Variants in RAB30 observed in about 807,000 individuals in gnomAD.
The protein encoded by RAB30 is RAB30, member RAS oncogene family, also known as ras-related protein Rab-30.
RAB30 carries 9 observed loss-of-function variants against 25.1 expected under a neutral mutation model. The ratio of observed to expected loss-of-function variants is 0.36; its 90% CI spans 0.22 to 0.63. The LOEUF (loss-of-function observed/expected upper bound fraction) is 0.63, where lower values mean the gene tolerates loss of function less well. Among genes scored for constraint, RAB30 ranks in the 20% least tolerant of loss-of-function variants. The pLI, the probability that RAB30 is intolerant of heterozygous loss-of-function variation, is 0.69. For synonymous variants in RAB30, 77 were observed against 86.4 expected (o/e 0.89, Z 0.60); for missense variants, 140 against 243.5 (o/e 0.58, Z 2.83).
In RAB30 at chr11:83,009,892, C is replaced by T. The variant is rs560738704; in HGVS notation, c.-8-12568G>A. On this transcript the variant is annotated intron_variant, in intron 1 of 4. Transcript: ENST00000527633. ...AATTCTGCTTCTGGGAATTTTCCTA[C>T]AGAATGCTTCCTAAATGTGCACAAA... Among the ~76,000 whole-genome samples, 91 of 152,310 alleles carry T rather than the reference C, an allele frequency of 6.0e-4. 2 individuals are homozygous for T. The highest frequency in any genetic ancestry group is 2.0e-3 in the African/African-American group (83 of 41,566).
chr11:82,984,057 T>G (rs562919593), intron 4 of RAB30, among the ~76,000 whole-genome samples: 15 of 152,314 alleles, frequency 9.8e-5, no homozygotes, highest in African/African-American at 3.6e-4. Context: ...TATGAATAAT[T>G]CATGATGTAT....
In RAB30 at chr11:82,978,872, A is replaced by G. The variant is rs1447818307; in HGVS notation, c.*3293T>C. 1 of 152,214 alleles carries G rather than the reference A, an allele frequency of 6.6e-6. No homozygotes were observed. Among genetic ancestry groups the G allele is most frequent in the Admixed American group, 6.5e-5 (1 of 15,282 alleles). 9.4% of individuals were successfully genotyped at this position (152,214 alleles called of 1,614,324 possible). ...CGTTTCTACCTTCCTTATAAACTCT[A>G]AATCAGAACTTGACACATTGTCAAA... On this transcript the variant is annotated 3_prime_UTR_variant, in exon 5 of 5. Coordinates refer to ENST00000527633, the MANE Select transcript of RAB30 (RefSeq NM_001286060.2).
intron 1 of RAB30, among the ~76,000 whole-genome samples, chr11:83,026,109 T>C (rs1301426786): frequency 6.6e-6 from 1 of 152,086 alleles, no homozygotes; most frequent in Non-Finnish European, 1.5e-5. Flanking sequence ...GAGGATCACT[T>C]GAGCCTGGGA....
At chr11:83,032,417 T>C (rs1243527324) in intron 1 of RAB30, among the ~76,000 whole-genome samples, 1 of 152,190 alleles carries the variant, frequency 6.6e-6, no homozygotes, top group Admixed American at 6.5e-5. Flanking sequence ...GGGTATGATT[T>C]CAGGGCAGAG....
At position 82,982,112 on chromosome 11, in the gene RAB30, T is replaced by G; in HGVS notation, c.*53A>C. ...GTCATCGCCAGATCTCCCCAGCATC[T>G]CATGGCCCATCAGGGCAGTTGCTGA... is the stretch of plus-strand genomic sequence containing the variant. On this transcript the variant is annotated 3_prime_UTR_variant, in exon 5 of 5. Transcript: ENST00000527633. 1 of 1,608,316 alleles carries G rather than the reference T, an allele frequency of 6.2e-7. No homozygotes were observed. The highest frequency in any genetic ancestry group is 8.5e-7 in the Non-Finnish European group (1 of 1,176,078).
chr11:83,037,485 C>T (rs921254831), intron 1 of RAB30, among the ~76,000 whole-genome samples: 2 of 152,018 alleles, frequency 1.3e-5, no homozygotes, highest in African/African-American at 2.4e-5. Flanking sequence ...CCTGACCTCA[C>T]GTGATCCACT....
chr11:83,044,516 AT>A (rs755087156), intron 1 of RAB30, among the ~76,000 whole-genome samples: 4 of 150,488 alleles, frequency 2.7e-5, no homozygotes, highest in Non-Finnish European at 5.9e-5. Context: ...AGGTAGGAAG[AT>A]TTTTTTTTTA....
intron 1 of RAB30, among the ~76,000 whole-genome samples, chr11:83,042,817 A>G (rs964770273): frequency 1.3e-5 from 2 of 152,206 alleles, no homozygotes; most frequent in African/African-American, 2.4e-5. Flanking sequence ...TATTGTTAAG[A>G]AAACAGATCT....
chr11:83,025,518 G>A (rs1311061152), intron 1 of RAB30, among the ~76,000 whole-genome samples: 3 of 152,184 alleles, frequency 2.0e-5, no homozygotes, highest in African/African-American at 7.2e-5. Flanking sequence ...AGACAAGAAG[G>A]AAAGGGGCAC....
chr11:83,037,958 C>T (rs140089825), intron 1 of RAB30, among the ~76,000 whole-genome samples: 158 of 152,164 alleles, frequency 1.0e-3, no homozygotes, highest in African/African-American at 3.5e-3. Context: ...TTCAGTCTGA[C>T]ATAAGGAAGG....
chr11:83,065,815 C>G (rs896992609), intron 1 of RAB30, among the ~76,000 whole-genome samples: 2 of 152,302 alleles, frequency 1.3e-5, no homozygotes, highest in Non-Finnish European at 2.9e-5. Flanking sequence ...ATCATGTGAA[C>G]CTCCCAACAA....
chr11:83,024,943 G>T (rs1039913148), intron 1 of RAB30, among the ~76,000 whole-genome samples: 1 of 152,176 alleles, frequency 6.6e-6, no homozygotes, highest in Non-Finnish European at 1.5e-5. Flanking sequence ...CATCTTTCAA[G>T]ATCTGAGGTG....
intron 1 of RAB30, among the ~76,000 whole-genome samples, chr11:83,027,278 A>T (rs1857743907): frequency 6.6e-6 from 1 of 151,342 alleles, no homozygotes; most frequent in Admixed American, 6.6e-5. Context: ...CATTCCCCAT[A>T]AAAAAAAAGT....
chr11:82,986,067 A>C (rs985834298), intron 4 of RAB30, among the ~76,000 whole-genome samples: 3 of 152,202 alleles, frequency 2.0e-5, no homozygotes, highest in Non-Finnish European at 4.4e-5. Flanking sequence ...ACACTGTCTA[A>C]GTTTTTAAGG....
intron 1 of RAB30, among the ~76,000 whole-genome samples, chr11:83,019,873 T>C (rs1857526555): frequency 6.6e-6 from 1 of 152,254 alleles, no homozygotes; most frequent in African/African-American, 2.4e-5. Context: ...CGAATGACTT[T>C]GGGCAAGTCA....
At chr11:83,026,744 C>T (rs991824320) in intron 1 of RAB30, among the ~76,000 whole-genome samples, 1 of 152,106 alleles carries the variant, frequency 6.6e-6, no homozygotes, top group African/African-American at 2.4e-5. Context: ...AGGTGTCACA[C>T]TGAACTACTG....
intron 1 of RAB30, among the ~76,000 whole-genome samples, chr11:83,008,226 C>T (rs1857228320): frequency 6.6e-6 from 1 of 152,222 alleles, no homozygotes; most frequent in African/African-American, 2.4e-5. Context: ...TGATGGTCCT[C>T]TGCCCCGGAG....
At chr11:83,018,156 G>A (rs1857480656) in intron 1 of RAB30, among the ~76,000 whole-genome samples, 2 of 152,084 alleles carry the variant, frequency 1.3e-5, no homozygotes, top group African/African-American at 4.8e-5. Flanking sequence ...AAAATTAGCT[G>A]GGCATGGTGG....
intron 4 of RAB30, among the ~76,000 whole-genome samples, chr11:82,985,231 T>G (rs1319708131): frequency 1.3e-5 from 2 of 152,284 alleles, no homozygotes; most frequent in East Asian, 3.9e-4. Flanking sequence ...TCCCAAAGTG[T>G]TGGGATTACA....
Sources: allele counts gnomAD v4.1 joint callset (sites outside exome capture counted in the v4.1 genomes callset), GRCh38; gene constraint gnomAD v4.1.1; transcripts MANE v1.5; gene names NCBI Gene and HGNC (gene_info 2026-07-23, HGNC 2026-07-21).